SPMIP4: variants seen among roughly 807,000 people sequenced by gnomAD.
SPMIP4 encodes sperm-associated microtubule inner protein 4.
At chr7:25,155,550 T>C in the SPMIP4 span, among the ~76,000 whole-genome samples, 1 of 152,208 alleles carries the variant, frequency 6.6e-6, no homozygotes, top group South Asian at 2.1e-4. Context: ...TTAATTACTG[T>C]GTCTTATTTT....
the SPMIP4 span, among the ~76,000 whole-genome samples, chr7:25,163,054 C>T: frequency 6.6e-6 from 1 of 152,180 alleles, no homozygotes; most frequent in Non-Finnish European, 1.5e-5. The surrounding 1 kb of genome is among the most constrained non-coding windows in gnomAD (Gnocchi z 4.4). Flanking sequence ...AGCCACTGCG[C>T]CCAGCTGGAT....
At chr7:25,150,883 G>A in the SPMIP4 span, among the ~76,000 whole-genome samples, 1 of 152,190 alleles carries the variant, frequency 6.6e-6, no homozygotes, top group Non-Finnish European at 1.5e-5. Context: ...TCAATAAATG[G>A]TGGCTATTGC....
the SPMIP4 span, among the ~76,000 whole-genome samples, chr7:25,132,042 AAT>A: frequency 6.6e-6 from 1 of 152,150 alleles, no homozygotes; most frequent in Non-Finnish European, 1.5e-5. The surrounding 1 kb of genome is among the most constrained non-coding windows in gnomAD (Gnocchi z 5.0). Flanking sequence ...TGCAAGATTT[AAT>A]AGAGTGAAAT....
the SPMIP4 span, among the ~76,000 whole-genome samples, chr7:25,157,169 T>C: frequency 6.6e-6 from 1 of 152,292 alleles, no homozygotes; most frequent in Non-Finnish European, 1.5e-5. Flanking sequence ...GAAAGTGGTA[T>C]TGGATTGCTA....
At chr7:25,148,199 A>T in the SPMIP4 span, among the ~76,000 whole-genome samples, 2 of 152,294 alleles carry the variant, frequency 1.3e-5, no homozygotes, top group Admixed American at 6.5e-5. Flanking sequence ...GTGGGGTGCA[A>T]CCTGCACCCC....
At chr7:25,161,249 A>C in the SPMIP4 span, 1 of 1,541,824 alleles carries the variant, frequency 6.5e-7, no homozygotes, top group Non-Finnish European at 8.9e-7. Context: ...AAATTGTTCA[A>C]CAGGAAGCTT....
the SPMIP4 span, chr7:25,136,663 G>A: frequency 3.7e-6 from 6 of 1,614,150 alleles, no homozygotes; most frequent in South Asian, 5.5e-5. This position sits in a 1 kb window ranked among gnomAD's most constrained non-coding sequence, Gnocchi z 5.7. Context: ...CAAAACTCTA[G>A]GAGTACAATC....
the SPMIP4 span, among the ~76,000 whole-genome samples, chr7:25,170,151 A>C: frequency 6.6e-6 from 1 of 151,992 alleles, no homozygotes; most frequent in Admixed American, 6.5e-5. Flanking sequence ...TTACATTCCT[A>C]CCAACATTGT....
chr7:25,136,445 CT>C, the SPMIP4 span: 1 of 1,614,108 alleles, frequency 6.2e-7, no homozygotes, highest in Non-Finnish European at 8.5e-7. The surrounding 1 kb of genome is among the most constrained non-coding windows in gnomAD (Gnocchi z 5.7). Flanking sequence ...TTTTTAGTAT[CT>C]GTGATTTTTG....
chr7:25,154,228 C>A, the SPMIP4 span, among the ~76,000 whole-genome samples: 1 of 152,202 alleles, frequency 6.6e-6, no homozygotes, highest in African/African-American at 2.4e-5. Context: ...CATTTTGGTC[C>A]AAATATTCAT....
the SPMIP4 span, among the ~76,000 whole-genome samples, chr7:25,162,932 C>G: frequency 0.16 from 23,765 of 152,050 alleles, 2,365 homozygotes; most frequent in African/African-American, 0.28. Context: ...CCATCGTGCC[C>G]GGCTAATTTC....
the SPMIP4 span, among the ~76,000 whole-genome samples, chr7:25,129,442 A>G: frequency 6.6e-6 from 1 of 152,308 alleles, no homozygotes; most frequent in African/African-American, 2.4e-5. Flanking sequence ...AGGCCCTGCA[A>G]TCACTGCCCT....
the SPMIP4 span, among the ~76,000 whole-genome samples, chr7:25,153,986 AG>A: frequency 6.6e-6 from 1 of 152,366 alleles, no homozygotes; most frequent in African/African-American, 2.4e-5. Context: ...TTATTTGATA[AG>A]TAGGTTCTAT....
At chr7:25,157,779 A>G in the SPMIP4 span, among the ~76,000 whole-genome samples, 2 of 152,210 alleles carry the variant, frequency 1.3e-5, no homozygotes, top group African/African-American at 2.4e-5. Context: ...GAAGAAGGAC[A>G]TGAAGGAAAA....
chr7:25,147,036 C>G, the SPMIP4 span, among the ~76,000 whole-genome samples: 1 of 152,312 alleles, frequency 6.6e-6, no homozygotes, highest in East Asian at 1.9e-4. Flanking sequence ...TGGCTCACAC[C>G]TGTAATCCCA....
At chr7:25,130,529 G>C in the SPMIP4 span, among the ~76,000 whole-genome samples, 6 of 152,132 alleles carry the variant, frequency 3.9e-5, no homozygotes, top group African/African-American at 1.2e-4. Flanking sequence ...AGCCAGACTG[G>C]TCTTGAACTC....
the SPMIP4 span, chr7:25,154,972 T>G: frequency 6.5e-7 from 1 of 1,548,242 alleles, no homozygotes; most frequent in Non-Finnish European, 8.8e-7. Flanking sequence ...ATCCCAATAA[T>G]AAGAATTAAT....
At chr7:25,149,935 A>G in the SPMIP4 span, among the ~76,000 whole-genome samples, 5 of 152,228 alleles carry the variant, frequency 3.3e-5, no homozygotes, top group Non-Finnish European at 7.3e-5. Flanking sequence ...GCAAGCACAC[A>G]GGCCTCCTGA....
At chr7:25,151,679 G>A in the SPMIP4 span, 1 of 1,595,144 alleles carries the variant, frequency 6.3e-7, no homozygotes, top group South Asian at 1.1e-5. Flanking sequence ...TATCTATAAG[G>A]ATTACCTGAA....
Sources: gnomAD v4.1 joint callset for allele counts (sites outside exome capture counted in the v4.1 genomes callset) on GRCh38, gnomAD v4.1.1 for gene constraint, Gnocchi (gnomAD v3.1) non-coding constraint, MANE v1.5 for transcripts, NCBI Gene and HGNC (gene_info 2026-07-23, HGNC 2026-07-21) for gene names.